PCCA: variants seen among roughly 807,000 people sequenced by gnomAD.
PCCA encodes propionyl-CoA carboxylase subunit alpha, also known as propionyl-CoA carboxylase alpha chain, mitochondrial.
PCCA carries 74 observed loss-of-function variants against 101.3 expected under a neutral mutation model. That is an observed-to-expected ratio of 0.73 (90% confidence interval 0.61 to 0.89). PCCA has a LOEUF of 0.89. PCCA is among the 40% of genes least tolerant of loss of function. PCCA has a pLI of 0.00. For missense variants in PCCA, 891 were observed against 907.0 expected (o/e 0.98, Z 0.23); for synonymous variants, 294 against 313.6 (o/e 0.94, Z 0.66).
chr13:100,444,684 G>C (rs529121946), intron 20 of PCCA, among the ~76,000 whole-genome samples: 1 of 151,820 alleles, frequency 6.6e-6, no homozygotes, highest in Non-Finnish European at 1.5e-5. Flanking sequence ...CTGGTGATCC[G>C]CCCACCTTGG....
chr13:100,339,159 T>A (rs1235747772), intron 17 of PCCA, among the ~76,000 whole-genome samples: 1 of 152,168 alleles, frequency 6.6e-6, no homozygotes, highest in African/African-American at 2.4e-5. Context: ...TAATGCGTAG[T>A]ACAATGTAAA....
rs570840308 is a variant in PCCA, at chr13:100,468,682, G to C, written c.1899+19377G>C. 4.3e-4 allele frequency among the ~76,000 whole-genome samples: 66 copies of C among 152,236 alleles called. No individual in the cohort carries two copies. In the South Asian group the frequency reaches 5.4e-3, roughly 12 times the overall value. ...AGAGCTAGGGCCTTGCTCTGGAGTA[G>C]GCTTTGGCTTAAGTGAATGTTGTGG... On this transcript the variant is annotated intron_variant, in intron 21 of 23. Transcript: ENST00000376285.
intron 14 of PCCA, among the ~76,000 whole-genome samples, chr13:100,303,726 T>G (rs1396468313): frequency 6.6e-6 from 1 of 152,102 alleles, no homozygotes; most frequent in African/African-American, 2.4e-5. Context: ...TGGTGAAAGA[T>G]TACAGGAAGA....
chr13:100,501,863 C>T (rs1456691326), intron 21 of PCCA, among the ~76,000 whole-genome samples: 1 of 116,390 alleles, frequency 8.6e-6, no homozygotes, highest in Admixed American at 1.0e-4. Context: ...AACAGAGGGA[C>T]ACTCCTTCTC....
chr13:100,123,632 T>TG (rs11439395), intron 4 of PCCA, among the ~76,000 whole-genome samples: 39,674 of 151,358 alleles, frequency 0.26, 6,067 homozygotes, highest in East Asian at 0.69. Context: ...AACAACATAA[T>TG]GGGGGGGGAT....
chr13:100,174,741 A>AG (rs1491200116), intron 6 of PCCA, among the ~76,000 whole-genome samples: 1 of 149,598 alleles, frequency 6.7e-6, no homozygotes, highest in African/African-American at 2.5e-5. Context: ...AAAAAAAAAA[A>AG]GAAAAAAAAA....
chr13:100,461,797 T>G (rs1235713901), intron 21 of PCCA, among the ~76,000 whole-genome samples: 2 of 152,162 alleles, frequency 1.3e-5, no homozygotes, highest in African/African-American at 2.4e-5. Context: ...TCTGGCTGAG[T>G]TGGCTCTTGG....
chr13:100,414,559 G>A (rs775149121), intron 19 of PCCA, among the ~76,000 whole-genome samples: 2 of 152,154 alleles, frequency 1.3e-5, no homozygotes, highest in Non-Finnish European at 2.9e-5. Flanking sequence ...GAGTGACTTA[G>A]CAACGTTATT....
At chr13:100,487,200 G>A (rs1303087134) in intron 21 of PCCA, among the ~76,000 whole-genome samples, 2 of 152,148 alleles carry the variant, frequency 1.3e-5, no homozygotes, top group Non-Finnish European at 1.5e-5. Flanking sequence ...CTCAATCATT[G>A]TTACCTGTAT....
intron 6 of PCCA, among the ~76,000 whole-genome samples, chr13:100,185,152 G>A (rs1450829429): frequency 6.6e-6 from 1 of 152,024 alleles, no homozygotes; most frequent in East Asian, 1.9e-4. Flanking sequence ...TCCCATCCCA[G>A]GAACACTGTC....
In PCCA at chr13:100,136,032, T is replaced by A. The variant is rs191265205; in HGVS notation, c.301-18947T>A. On this transcript the variant is annotated intron_variant, in intron 4 of 23. Coordinates refer to ENST00000376285, the MANE Select transcript of PCCA (RefSeq NM_000282.4). Reference sequence around the variant, plus strand: ...TTATATATTGCTGGATTGGACTTCTTAATTTTTTGTTAAGGATTTTTTACA... The same window carrying A: ...TTATATATTGCTGGATTGGACTTCTAAATTTTTTGTTAAGGATTTTTTACA... Among the ~76,000 whole-genome samples, 603 of 152,286 alleles carry A rather than the reference T, an allele frequency of 4.0e-3. 5 individuals carry two copies. Among genetic ancestry groups the A allele is most frequent in the African/African-American group, 0.014 (577 of 41,564 alleles).
intron 6 of PCCA, among the ~76,000 whole-genome samples, chr13:100,189,775 G>A (rs2057610380): frequency 6.6e-6 from 1 of 152,176 alleles, no homozygotes; most frequent in Admixed American, 6.5e-5. Flanking sequence ...CTCCCAAAGT[G>A]CTGGGATTAC....
intron 21 of PCCA, among the ~76,000 whole-genome samples, chr13:100,486,673 G>C (rs1447835557): frequency 2.0e-5 from 3 of 152,240 alleles, no homozygotes; most frequent in Non-Finnish European, 2.9e-5. Flanking sequence ...AGCACTTTGG[G>C]AGGCCAAGGC....
chr13:100,384,827 C>CTT (rs1052012365), intron 19 of PCCA, among the ~76,000 whole-genome samples: 4 of 151,882 alleles, frequency 2.6e-5, no homozygotes, highest in African/African-American at 9.7e-5. Context: ...GAAAAAGAAC[C>CTT]TTTTTTTCCC....
intron 10 of PCCA, among the ~76,000 whole-genome samples, chr13:100,266,870 A>G (rs1004160616): frequency 2.0e-4 from 30 of 152,204 alleles, no homozygotes; most frequent in African/African-American, 7.2e-4. Flanking sequence ...AGTATAGCTT[A>G]GAGATTTTTC....
intron 7 of PCCA, among the ~76,000 whole-genome samples, chr13:100,212,523 A>C (rs1398365212): frequency 1.3e-5 from 2 of 152,206 alleles, no homozygotes; most frequent in East Asian, 3.8e-4. Context: ...GCGACTGTGG[A>C]GAATTCACTC....
At chr13:100,308,075 C>G (rs751332018) in intron 15 of PCCA, among the ~76,000 whole-genome samples, 9 of 152,110 alleles carry the variant, frequency 5.9e-5, no homozygotes, top group Admixed American at 2.6e-4. Flanking sequence ...GGATGGTCTC[C>G]ATCTCCTGAC....
chr13:100,501,645 G>A (rs1382527247), intron 21 of PCCA, among the ~76,000 whole-genome samples: 1 of 152,110 alleles, frequency 6.6e-6, no homozygotes, highest in Non-Finnish European at 1.5e-5. Flanking sequence ...AGGCCGAGGC[G>A]GGTGGCTCAC....
At chr13:100,351,335 C>T (rs2073243751) in intron 18 of PCCA, among the ~76,000 whole-genome samples, 1 of 152,046 alleles carries the variant, frequency 6.6e-6, no homozygotes, top group Non-Finnish European at 1.5e-5. Context: ...TAGAGATTGT[C>T]AGTGAGATAA....
Sources: gnomAD v4.1 joint callset for allele counts (sites outside exome capture counted in the v4.1 genomes callset) on GRCh38, gnomAD v4.1.1 for gene constraint, MANE v1.5 for transcripts, NCBI Gene and HGNC (gene_info 2026-07-23, HGNC 2026-07-21) for gene names.